The following FREM2 variants were observed in gnomAD, a reference collection of about 807,000 sequenced individuals.
FREM2 encodes the protein FRAS1 related extracellular matrix 2.
A neutral mutation model predicts 219.9 loss-of-function variants in FREM2; 119 were observed. The ratio of observed to expected loss-of-function variants is 0.54; its 90% confidence interval spans 0.47 to 0.63. FREM2 has a LOEUF of 0.63. Ranked by LOEUF, FREM2 falls within the 30% of genes least tolerant of loss-of-function variation. FREM2 has a pLI of 0.00. For missense variants in FREM2, 4,030 were observed against 3,993.6 expected, an observed-to-expected ratio of 1.01 and a Z score of -0.25; for synonymous variants, 1,562 against 1,522.8, an observed-to-expected ratio of 1.03 and a Z score of -0.60.
chr13:38,847,447 T>C (rs1305463938), intron 7 of FREM2, among the ~76,000 whole-genome samples: 3 of 152,220 alleles, frequency 2.0e-5, no homozygotes, highest in African/African-American at 7.2e-5. Context: ...TTAACTTTTT[T>C]AATGTAGTGG....
In FREM2 at chr13:38,880,399, G is replaced by C. The variant is rs1878497666; in HGVS notation, c.9122G>C (p.Gly3041Ala). The C allele has an allele frequency of 1.2e-6, 2 of 1,613,964 alleles. No individual in the cohort carries two copies. Among genetic ancestry groups the C allele is most frequent in the Non-Finnish European group, 1.7e-6 (2 of 1,180,018 alleles). The change falls in exon 24 of 24, where the codon GGA becomes GCA. Residue 3041 changes from glycine to alanine, a missense_variant. Gly to Ala is a moderately conservative substitution (Grantham distance 60). Coordinates refer to ENST00000280481, the MANE Select transcript of FREM2 (RefSeq NM_207361.6). Reference sequence around the variant, plus strand: ...GAGTACCATTCTCTGGTGAGTCAAGGAAAGCCCCAATCCACCACCAAGAGC... The same window carrying C: ...GAGTACCATTCTCTGGTGAGTCAAGCAAAGCCCCAATCCACCACCAAGAGC... ...SVEYHSLVSQ[G>A]KPQSTTKSRK...
intron 2 of FREM2, among the ~76,000 whole-genome samples, chr13:38,763,774 T>C (rs1054744513): frequency 6.6e-6 from 1 of 152,160 alleles, no homozygotes; most frequent in Non-Finnish European, 1.5e-5. Context: ...GTCTGTTTGC[T>C]CTAAGGAATG....
chr13:38,826,597 T>C (rs945209000), intron 6 of FREM2, among the ~76,000 whole-genome samples: 57 of 151,758 alleles, frequency 3.8e-4, no homozygotes, highest in African/African-American at 1.3e-3. Flanking sequence ...AAGCAGCCTG[T>C]GGTCAAGATT....
intron 6 of FREM2, among the ~76,000 whole-genome samples, chr13:38,838,187 T>C (rs1033152647): frequency 2.0e-5 from 3 of 152,196 alleles, no homozygotes; most frequent in Non-Finnish European, 4.4e-5. Flanking sequence ...TTTGTTTGTC[T>C]GTAAAAGATT....
chr13:38,730,949 A>T, intron 2 of FREM2, among the ~76,000 whole-genome samples: 1 of 151,046 alleles, frequency 6.6e-6, no homozygotes, highest in East Asian at 1.9e-4. Context: ...TTTTCACCAC[A>T]GTTCTTACCT....
chr13:38,800,092 A>T (rs1321309125), intron 6 of FREM2, among the ~76,000 whole-genome samples: 1 of 151,728 alleles, frequency 6.6e-6, no homozygotes, highest in Admixed American at 6.6e-5. Flanking sequence ...TTGGTGTTTT[A>T]CTGTAGTGGT....
intron 6 of FREM2, among the ~76,000 whole-genome samples, chr13:38,836,444 T>G (rs1272491620): frequency 1.3e-5 from 2 of 152,212 alleles, no homozygotes; most frequent in African/African-American, 4.8e-5. Context: ...GGTATCAGGA[T>G]GATGCTGGCC....
At chr13:38,795,975 T>TTTTCTTTCTTTC (rs543239149) in intron 6 of FREM2, among the ~76,000 whole-genome samples, 1 of 152,056 alleles carries the variant, frequency 6.6e-6, no homozygotes, top group Non-Finnish European at 1.5e-5. Flanking sequence ...TACACGATAG[T>TTTTCTTTCTTTC]TTTCTTTCTT....
rs1395778918 is a variant in FREM2, at chr13:38,690,439, T to C, written c.3095T>C (p.Phe1032Ser). 1 of 1,614,228 alleles carries C rather than the reference T, an allele frequency of 6.2e-7. No individual in the cohort carries two copies. Among genetic ancestry groups the C allele is most frequent in the Non-Finnish European group, 8.5e-7 (1 of 1,180,046 alleles). Residue 1032 changes from phenylalanine (F) to serine (S), a missense_variant, in exon 1 of 24, where the codon TTT becomes TCT. This residue lies in a region of FREM2 where 3,102 missense variants were observed against 2,950.7 expected (regional missense o/e 1.05). Transcript: ENST00000280481. Reference sequence around the variant, plus strand: ...GGCCTATTGCCTAAAGCGGATTCTTTTAACCTGAGTCTGTCAGATATGTCT... The same window carrying C: ...GGCCTATTGCCTAAAGCGGATTCTTCTAACCTGAGTCTGTCAGATATGTCT... ...EIGLLPKADS[F>S]NLSLSDMSQE... is the part of the protein sequence containing the mutation.
intron 1 of FREM2, among the ~76,000 whole-genome samples, chr13:38,695,185 A>G (rs745404831): frequency 4.3e-4 from 66 of 152,320 alleles, no homozygotes; most frequent in Admixed American, 3.0e-3. Flanking sequence ...TTACATTTAT[A>G]TATACATAAA....
Position 38,850,019 on chromosome 13 carries a change from T to G in FREM2, c.6380-19T>G. 1 of 1,607,154 alleles carries G rather than the reference T, an allele frequency of 6.2e-7. No homozygotes were observed. Among genetic ancestry groups the G allele is most frequent in the Non-Finnish European group, 8.5e-7 (1 of 1,173,880 alleles). On this transcript the variant is annotated intron_variant, in intron 8 of 23. Transcript: ENST00000280481. Reference sequence around the variant, plus strand: ...TCCACAAGGAAATTTCTGTTCACTTTAATCCTTTGTTTTTGCAGTGCCTAA... The same window carrying G: ...TCCACAAGGAAATTTCTGTTCACTTGAATCCTTTGTTTTTGCAGTGCCTAA...
intron 6 of FREM2, among the ~76,000 whole-genome samples, chr13:38,805,428 T>C (rs923920600): frequency 2.6e-5 from 4 of 151,842 alleles, no homozygotes; most frequent in African/African-American, 9.7e-5. Flanking sequence ...GGAATTAGTC[T>C]AGGGAAAGAA....
intron 2 of FREM2, among the ~76,000 whole-genome samples, chr13:38,755,847 A>G (rs763020088): frequency 5.3e-5 from 8 of 152,198 alleles, no homozygotes; most frequent in Non-Finnish European, 1.0e-4. Flanking sequence ...CATTCCATGC[A>G]TATCACTTTC....
At chr13:38,811,027 T>C (rs547819150) in intron 6 of FREM2, among the ~76,000 whole-genome samples, 13 of 152,174 alleles carry the variant, frequency 8.5e-5, no homozygotes, top group Non-Finnish European at 1.8e-4. Flanking sequence ...CAGTTCAATC[T>C]TGGTAAATTA....
chr13:38,755,922 G>A (rs1339129282), intron 2 of FREM2, among the ~76,000 whole-genome samples: 2 of 152,122 alleles, frequency 1.3e-5, no homozygotes, highest in African/African-American at 4.8e-5. Context: ...GTAACCATGC[G>A]GGAGCCAGTA....
chr13:38,847,465 A>G (rs1261299230), intron 7 of FREM2, among the ~76,000 whole-genome samples: 2 of 152,216 alleles, frequency 1.3e-5, no homozygotes, highest in Admixed American at 6.5e-5. Context: ...TGGAAGCAGT[A>G]TAGTGCTTTG....
chr13:38,693,047 G>A (rs1466593523), intron 1 of FREM2, among the ~76,000 whole-genome samples: 2 of 152,102 alleles, frequency 1.3e-5, no homozygotes, highest in East Asian at 1.9e-4. Context: ...TAAAAGATTT[G>A]TTTACATTTA....
In FREM2 at chr13:38,884,185, A is replaced by T. The variant is rs972538188; in HGVS notation, c.*3398A>T. ...ATTTGTGATAAGAAGGACCAACTCT[A>T]GGCTCAATATGAAGGGATTTAGTTC... On this transcript the variant is annotated 3_prime_UTR_variant, in exon 24 of 24. Coordinates refer to ENST00000280481, the MANE Select transcript of FREM2 (RefSeq NM_207361.6). 1 of 152,206 alleles carries T rather than the reference A, an allele frequency of 6.6e-6. No homozygotes were observed. The highest frequency in any genetic ancestry group is 2.4e-5 in the African/African-American group (1 of 41,466). The allele number at this position is 152,206 out of a possible 1,614,324, so 9.4% of individuals were successfully genotyped here.
chr13:38,784,072 C>T (rs1874228041), intron 5 of FREM2, among the ~76,000 whole-genome samples: 1 of 152,242 alleles, frequency 6.6e-6, no homozygotes. Flanking sequence ...GCATTCCGGC[C>T]TGGGCAACAG....
Sources: allele counts gnomAD v4.1 joint callset (sites outside exome capture counted in the v4.1 genomes callset), GRCh38; gene constraint gnomAD v4.1.1; regional missense constraint gnomAD v4.1.1; transcripts MANE v1.5; gene names NCBI Gene and HGNC (gene_info 2026-07-23, HGNC 2026-07-21).